Variants in ZNF585A observed in about 807,000 individuals in gnomAD.
The protein encoded by ZNF585A is zinc finger protein 585A.
ZNF585A carries 9 observed loss-of-function variants against 14.9 expected under a neutral mutation model. The ratio of observed to expected loss-of-function variants is 0.60; its 90% CI spans 0.36 to 1.05. The LOEUF (loss-of-function observed/expected upper bound fraction) is 1.05, where lower values mean the gene tolerates loss of function less well. ZNF585A is among the 50% of genes least tolerant of loss of function. The pLI, the probability that ZNF585A is intolerant of heterozygous loss-of-function variation, is 0.01. For missense variants in ZNF585A, 726 were observed against 926.4 expected, an observed-to-expected ratio of 0.78 and a Z score of 2.81; for synonymous variants, 276 against 319.9, an observed-to-expected ratio of 0.86 and a Z score of 1.46.
chr19:37,171,769 G>A (rs1341384310), intron 1 of ZNF585A, among the ~76,000 whole-genome samples: 1 of 152,106 alleles, frequency 6.6e-6, no homozygotes, highest in East Asian at 1.9e-4. Context: ...TGGGCGTGGT[G>A]GCGGGTGCCT....
chr19:37,147,053 C>A lies in ZNF585A; in HGVS notation c.*4536G>T, dbSNP rs1971752656. 6.6e-6 allele frequency: 1 copy of A among 152,146 alleles called. No homozygotes were observed. The highest frequency in any genetic ancestry group is 1.5e-5 in the Non-Finnish European group (1 of 68,044). The allele number at this position is 152,146 out of a possible 1,614,324, so 9.4% of individuals were successfully genotyped here. A position where few individuals can be genotyped will look rare whatever the true frequency, so the allele number is the denominator to read the frequency against. On this transcript the variant is annotated 3_prime_UTR_variant, in exon 5 of 5. Transcript: ENST00000292841. ...CTGAGCATCTGCTTTGAGCTGGCAC[C>A]GTGCTGGGCGCCTGGTATACAGCAG...
intron 4 of ZNF585A, among the ~76,000 whole-genome samples, chr19:37,155,202 G>A (rs775369887): frequency 5.3e-5 from 8 of 151,324 alleles, no homozygotes; most frequent in Non-Finnish European, 7.4e-5. Flanking sequence ...GGGTTTCACC[G>A]TGGTCCCGAT....
chr19:37,163,787 C>CA (rs1332372683), intron 2 of ZNF585A, among the ~76,000 whole-genome samples: 2 of 151,326 alleles, frequency 1.3e-5, no homozygotes, highest in Non-Finnish European at 2.9e-5. Context: ...CCAAACATTC[C>CA]AAATTACATG....
intron 2 of ZNF585A, among the ~76,000 whole-genome samples, chr19:37,158,469 C>A (rs966476384): frequency 6.6e-6 from 1 of 152,120 alleles, no homozygotes; most frequent in Non-Finnish European, 1.5e-5. Flanking sequence ...AAAATTCAAA[C>A]CCCTATCTCA....
intron 2 of ZNF585A, among the ~76,000 whole-genome samples, chr19:37,166,567 C>T (rs1972094286): frequency 6.6e-6 from 1 of 152,074 alleles, no homozygotes; most frequent in African/African-American, 2.4e-5. Context: ...CCATCTTGGC[C>T]TCCCAAAGTG....
chr19:37,167,996 C>A (rs918547193), intron 2 of ZNF585A, among the ~76,000 whole-genome samples: 1 of 152,160 alleles, frequency 6.6e-6, no homozygotes, highest in Non-Finnish European at 1.5e-5. Flanking sequence ...GGTTTCTATT[C>A]TTTGTCTGCC....
chr19:37,161,992 C>T (rs999880806), intron 2 of ZNF585A, among the ~76,000 whole-genome samples: 1 of 152,146 alleles, frequency 6.6e-6, no homozygotes, highest in Non-Finnish European at 1.5e-5. Flanking sequence ...GGCGCAATCT[C>T]GGCTCACTGC....
In ZNF585A at chr19:37,169,862, C is replaced by T. The variant is rs1251650393; in HGVS notation, c.49G>A (p.Glu17Lys). The T allele has an allele frequency of 6.2e-7, 1 of 1,613,280 alleles. No individual in the cohort carries two copies. The highest frequency in any genetic ancestry group is 1.7e-5 in the Admixed American group (1 of 60,022). ...ACCTCATAGGAGCTGCCATGATCCT[C>T]TGGAGCCAGGGCTGAGGATTTCTGA... ...SPQKSSALAP[E>K]DHGSSYEGSV... Residue 17 changes from glutamate to lysine, a missense_variant, in exon 2 of 5, where the codon GAG becomes AAG. Physicochemically the swap from Glu to Lys is moderately conservative, Grantham distance 56 (BLOSUM62 1). Coordinates refer to ENST00000292841, the MANE Select transcript of ZNF585A (RefSeq NM_001288800.2).
At chr19:37,156,813 T>C (rs1971938582) in intron 2 of ZNF585A, among the ~76,000 whole-genome samples, 2 of 152,132 alleles carry the variant, frequency 1.3e-5, no homozygotes, top group African/African-American at 4.8e-5. Flanking sequence ...TACCTCAGCC[T>C]CCCGAGTAGC....
intron 1 of ZNF585A, among the ~76,000 whole-genome samples, chr19:37,171,772 G>A (rs1434301491): frequency 6.6e-6 from 1 of 152,004 alleles, no homozygotes; most frequent in Non-Finnish European, 1.5e-5. Context: ...GCGTGGTGGC[G>A]GGTGCCTCTA....
rs952772867 is a variant in ZNF585A, at chr19:37,153,750, G to C, written c.293-144C>G. On this transcript the variant is annotated intron_variant, in intron 4 of 4. Coordinates refer to ENST00000292841, the MANE Select transcript of ZNF585A (RefSeq NM_001288800.2). ...CATTTCCAAATGAGGCATATTGATG[G>C]GGTCTTTTGGGAGGAGAAATGATGT... is the stretch of plus-strand genomic sequence containing the variant. The C allele has an allele frequency of 1.7e-5, 12 of 696,930 alleles. No individual in the cohort carries two copies. The African/African-American group carries it at 2.2e-4, about 13-fold the overall frequency. The allele number at this position is 696,930 out of a possible 1,614,324, so 43.2% of individuals were successfully genotyped here.
chr19:37,160,455 T>A (rs1206029493), intron 2 of ZNF585A, among the ~76,000 whole-genome samples: 4 of 150,522 alleles, frequency 2.7e-5, no homozygotes, highest in Non-Finnish European at 5.9e-5. Flanking sequence ...AAAGTAGAAA[T>A]CAACAAAACT....
intron 4 of ZNF585A, among the ~76,000 whole-genome samples, chr19:37,155,099 C>T (rs910158099): frequency 1.3e-5 from 2 of 148,514 alleles, no homozygotes; most frequent in African/African-American, 2.5e-5. Flanking sequence ...CTCCCGGGTT[C>T]ATGCCATTCT....
At chr19:37,164,184 C>T (rs1182365588) in intron 2 of ZNF585A, among the ~76,000 whole-genome samples, 1 of 151,940 alleles carries the variant, frequency 6.6e-6, no homozygotes, top group South Asian at 2.1e-4. Flanking sequence ...TTTGGGAGGC[C>T]GAAGCGGGTG....
rs2145390235 is a variant in ZNF585A, at chr19:37,147,347, T to C, written c.*4242A>G. On this transcript the variant is annotated 3_prime_UTR_variant, in exon 5 of 5. Coordinates refer to ENST00000292841, the MANE Select transcript of ZNF585A (RefSeq NM_001288800.2). ...AGCAGAGCACTCTCAGAACAGTCGG[T>C]GCAAAGGCCCAAAGCCAGAGAAAAG... The C allele has an allele frequency of 6.6e-6, 1 of 152,308 alleles. No individual in the cohort carries two copies. Among genetic ancestry groups the C allele is most frequent in the Non-Finnish European group, 1.5e-5 (1 of 68,022 alleles). 9.4% of individuals were successfully genotyped at this position (152,308 alleles called of 1,614,324 possible). A position where few individuals can be genotyped will look rare whatever the true frequency, so the allele number is the denominator to read the frequency against.
chr19:37,151,803 A>G lies in ZNF585A; in HGVS notation c.2096T>C (p.Phe699Ser). ...CACTTGGAGCTGTGATTTTTTAGTG[A>G]AAGACTTCCCACAGTCACTGCACTC... ...PYECSDCGKSFTKKSQLQVHQ... is the reference protein window; with the variant it reads ...PYECSDCGKSSTKKSQLQVHQ... Residue 699 changes from phenylalanine to serine, a missense_variant, in exon 5 of 5, where the codon TTC (phenylalanine) becomes TCC (serine). Transcript: ENST00000292841. 6.2e-7 allele frequency: 1 copy of G among 1,613,010 alleles called. No homozygotes were observed. The highest frequency in any genetic ancestry group is 8.5e-7 in the Non-Finnish European group (1 of 1,179,524).
At chr19:37,169,707 G>T in intron 2 of ZNF585A, 132 bp downstream of exon 2, 1 of 971,028 alleles carries the variant, frequency 1.0e-6, no homozygotes, top group Non-Finnish European at 1.5e-6. Flanking sequence ...ATTTGTTTCA[G>T]GAGCAGCAGG....
chr19:37,170,555 C>T (rs997198489), intron 1 of ZNF585A, among the ~76,000 whole-genome samples: 1 of 152,216 alleles, frequency 6.6e-6, no homozygotes, highest in Non-Finnish European at 1.5e-5. Context: ...GCGATCTCGG[C>T]TCACTGCAAG....
chr19:37,153,656 T>C, intron 4 of ZNF585A, 50 bp from the exon 5 acceptor site: 1 of 1,378,138 alleles, frequency 7.3e-7, no homozygotes, highest in South Asian at 1.4e-5. Context: ...TATCATTTGG[T>C]AATCTTTTTA....
Sources: allele counts gnomAD v4.1 joint callset (sites outside exome capture counted in the v4.1 genomes callset), GRCh38; gene constraint gnomAD v4.1.1; transcripts MANE v1.5; gene names NCBI Gene and HGNC (gene_info 2026-07-23, HGNC 2026-07-21).